The following TSHZ2 variants were observed in gnomAD, a reference collection of about 807,000 sequenced individuals.
TSHZ2 encodes teashirt homolog 2.
In TSHZ2, 21 loss-of-function variants were observed where a neutral mutation model predicts 74.4. The ratio of observed to expected loss-of-function variants is 0.28; its 90% CI spans 0.20 to 0.41. The LOEUF (loss-of-function observed/expected upper bound fraction) is 0.41, where lower values mean the gene tolerates loss of function less well. TSHZ2 is among the 10% of genes least tolerant of loss of function. The pLI is 1.00. For synonymous variants in TSHZ2, 540 were observed against 515.3 expected (o/e 1.05, Z -0.65); for missense variants, 1,244 against 1,293.5 (o/e 0.96, Z 0.59).
At chr20:53,158,110 G>A (rs908534099) in intron 1 of TSHZ2, among the ~76,000 whole-genome samples, 7 of 152,182 alleles carry the variant, frequency 4.6e-5, no homozygotes, top group Admixed American at 3.3e-4. Context: ...GTGGGGCCGT[G>A]GAGGGAACAG....
intron 1 of TSHZ2, among the ~76,000 whole-genome samples, chr20:52,995,577 G>T (rs944636874): frequency 4.6e-5 from 7 of 151,744 alleles, no homozygotes; most frequent in Non-Finnish European, 8.8e-5. Context: ...CAGGCAAACT[G>T]AGGTTCCAAT....
At chr20:53,381,364 T>A (rs1346019911) in intron 2 of TSHZ2, among the ~76,000 whole-genome samples, 1 of 152,208 alleles carries the variant, frequency 6.6e-6, no homozygotes, top group Admixed American at 6.5e-5. Context: ...CTGCCTCTAA[T>A]ATCATTTGCT....
chr20:53,366,855 C>A (rs775071277), intron 2 of TSHZ2, among the ~76,000 whole-genome samples: 3 of 152,154 alleles, frequency 2.0e-5, no homozygotes, highest in Non-Finnish European at 2.9e-5. Context: ...TGACTCTATG[C>A]GAGGCAATTT....
At chr20:53,105,871 G>A (rs556447185) in intron 1 of TSHZ2, among the ~76,000 whole-genome samples, 2 of 152,070 alleles carry the variant, frequency 1.3e-5, no homozygotes, top group African/African-American at 2.4e-5. Flanking sequence ...GGTCTCGAAC[G>A]ATCCTGGGCT....
At chr20:53,241,914 G>A (rs1263840130) in intron 1 of TSHZ2, among the ~76,000 whole-genome samples, 1 of 152,024 alleles carries the variant, frequency 6.6e-6, no homozygotes, top group Admixed American at 6.6e-5. Context: ...CACCTATGAG[G>A]GTGGTACACA....
intron 2 of TSHZ2, among the ~76,000 whole-genome samples, chr20:53,318,959 AAG>A (rs1274835969): frequency 6.6e-6 from 1 of 152,218 alleles, no homozygotes; most frequent in Non-Finnish European, 1.5e-5. Context: ...GGCAGCAGGC[AAG>A]AGAGAGTGTG....
intron 1 of TSHZ2, among the ~76,000 whole-genome samples, chr20:53,039,579 T>C (rs1983960342): frequency 1.3e-5 from 2 of 151,600 alleles, no homozygotes; most frequent in South Asian, 4.2e-4. Context: ...AGCAAAAGAG[T>C]GAATAGTTGG....
At chr20:53,426,459 T>C (rs1568912309) in intron 2 of TSHZ2, among the ~76,000 whole-genome samples, 3 of 152,238 alleles carry the variant, frequency 2.0e-5, no homozygotes, top group African/African-American at 7.2e-5. Flanking sequence ...CTTCCTCTTC[T>C]TCTTTTTTTA....
chr20:53,209,017 T>A (rs1441137670), intron 1 of TSHZ2, among the ~76,000 whole-genome samples: 2 of 152,176 alleles, frequency 1.3e-5, no homozygotes, highest in East Asian at 3.8e-4. Flanking sequence ...CATTTTGACT[T>A]GGCATAAAAT....
Position 53,489,095 on chromosome 20 carries a change from A to G in TSHZ2, c.*1960A>G, listed in dbSNP as rs990057386. ...TTCATTGAAGTGTCAGCACTCATCC[A>G]TCAATCAATCACCCACAAGGAAAAA... On this transcript the variant is annotated 3_prime_UTR_variant, in exon 3 of 3. Transcript: ENST00000371497. 11 of 456,298 alleles carry G rather than the reference A, an allele frequency of 2.4e-5. No individual in the cohort carries two copies. The highest frequency in any genetic ancestry group is 3.3e-4 in the Middle Eastern group (1 of 3,076). The allele number at this position is 456,298 out of a possible 1,614,324, so 28.3% of individuals were successfully genotyped here.
intron 1 of TSHZ2, among the ~76,000 whole-genome samples, chr20:53,055,019 A>C (rs1435834694): frequency 6.6e-6 from 1 of 152,198 alleles, no homozygotes; most frequent in Non-Finnish European, 1.5e-5. Context: ...AAATCTTCTG[A>C]TTTCAAAATG....
intron 2 of TSHZ2, among the ~76,000 whole-genome samples, chr20:53,347,219 C>T (rs1980472422): frequency 6.6e-6 from 1 of 152,136 alleles, no homozygotes; most frequent in African/African-American, 2.4e-5. Flanking sequence ...GTCTCCTGTG[C>T]ACTGTAAGTT....
chr20:52,995,574 A>G (rs531324627), intron 1 of TSHZ2, among the ~76,000 whole-genome samples: 2 of 151,346 alleles, frequency 1.3e-5, no homozygotes, highest in African/African-American at 4.8e-5. Context: ...ACTCAGGCAA[A>G]CTGAGGTTCC....
At chr20:53,146,340 G>T (rs1263793291) in intron 1 of TSHZ2, among the ~76,000 whole-genome samples, 3 of 152,116 alleles carry the variant, frequency 2.0e-5, no homozygotes, top group Non-Finnish European at 2.9e-5. Context: ...TTTTGGCATT[G>T]TGTAGACGGA....
chr20:53,435,483 AT>A (rs1319328447), intron 2 of TSHZ2, among the ~76,000 whole-genome samples: 5 of 152,234 alleles, frequency 3.3e-5, no homozygotes, highest in South Asian at 2.1e-4. Flanking sequence ...AAGGGAAGGC[AT>A]TATAGCATGG....
At chr20:53,375,114 C>A (rs1031447616) in intron 2 of TSHZ2, among the ~76,000 whole-genome samples, 2 of 152,068 alleles carry the variant, frequency 1.3e-5, no homozygotes, top group Admixed American at 1.3e-4. Flanking sequence ...CCCAGGAGTG[C>A]ATGGATTATT....
intron 1 of TSHZ2, among the ~76,000 whole-genome samples, chr20:53,121,800 C>T (rs1030887652): frequency 4.6e-5 from 7 of 151,980 alleles, no homozygotes; most frequent in East Asian, 1.9e-4. Flanking sequence ...CTAAGTTTCT[C>T]GGGGAAGTCG....
chr20:53,007,502 A>C (rs1229280823), intron 1 of TSHZ2, among the ~76,000 whole-genome samples: 1 of 152,242 alleles, frequency 6.6e-6, no homozygotes, highest in African/African-American at 2.4e-5. Flanking sequence ...TGTTGGATAA[A>C]ATAATTTCTT....
chr20:53,058,875 G>GTAT (rs1984729610), intron 1 of TSHZ2, among the ~76,000 whole-genome samples: 1 of 152,144 alleles, frequency 6.6e-6, no homozygotes, highest in African/African-American at 2.4e-5. Context: ...GATGACTTGG[G>GTAT]TATTAATACA....
Sources: allele counts gnomAD v4.1 joint callset (sites outside exome capture counted in the v4.1 genomes callset), GRCh38; gene constraint gnomAD v4.1.1; transcripts MANE v1.5; gene names NCBI Gene and HGNC (gene_info 2026-07-23, HGNC 2026-07-21).